Variants in PEBP4 observed in about 807,000 individuals in gnomAD.
The protein encoded by PEBP4 is phosphatidylethanolamine binding protein 4, also known as phosphatidylethanolamine-binding protein 4.
PEBP4 carries 22 observed loss-of-function variants against 23.9 expected under a neutral mutation model. The observed-to-expected ratio is 0.92, with a 90% CI of 0.66 to 1.31. The LOEUF (loss-of-function observed/expected upper bound fraction) is 1.31, where lower values mean the gene tolerates loss of function less well. PEBP4 is among the 40% of genes most tolerant of loss of function. The probability of loss-of-function intolerance (pLI) is 0.00; values close to 1 mark genes in which losing one functional copy is unlikely to be tolerated. For synonymous variants in PEBP4, 112 were observed against 99.3 expected (o/e 1.13, Z -0.76); for missense variants, 324 against 281.7 (o/e 1.15, Z -1.07).
intron 3 of PEBP4, among the ~76,000 whole-genome samples, chr8:22,862,658 C>A (rs1049691117): frequency 7.2e-5 from 11 of 152,124 alleles, no homozygotes; most frequent in Non-Finnish European, 1.5e-4. Flanking sequence ...TCAAAGGATT[C>A]TCATATATAT....
At chr8:22,813,398 T>C (rs1806673978) in intron 4 of PEBP4, among the ~76,000 whole-genome samples, 1 of 152,256 alleles carries the variant, frequency 6.6e-6, no homozygotes, top group East Asian at 1.9e-4. Context: ...TAATTGTTCT[T>C]AGTGTTCTTT....
intron 3 of PEBP4, among the ~76,000 whole-genome samples, chr8:22,909,295 G>A (rs965725345): frequency 9.9e-5 from 15 of 151,716 alleles, no homozygotes; most frequent in Admixed American, 3.3e-4. Context: ...CATCCTCTGC[G>A]GCTCTACACC....
chr8:22,818,552 G>A (rs1166795954), intron 3 of PEBP4, among the ~76,000 whole-genome samples: 1 of 152,168 alleles, frequency 6.6e-6, no homozygotes, highest in Non-Finnish European at 1.5e-5. Context: ...CCAGGCCACA[G>A]GGGGCTCTCT....
At chr8:22,731,206 C>A (rs780914581) in intron 4 of PEBP4, among the ~76,000 whole-genome samples, 1 of 152,140 alleles carries the variant, frequency 6.6e-6, no homozygotes, top group African/African-American at 2.4e-5. Context: ...ACTGAGTGTG[C>A]CTGCCTCTCC....
intron 3 of PEBP4, among the ~76,000 whole-genome samples, chr8:22,830,786 A>G (rs1032878442): frequency 6.6e-5 from 10 of 151,946 alleles, no homozygotes; most frequent in African/African-American, 1.7e-4. Context: ...TTTCCCCCCT[A>G]TCACCACTAC....
chr8:22,817,848 T>C, intron 3 of PEBP4, 113 bp from the exon 4 acceptor site: 2 of 882,288 alleles, frequency 2.3e-6, no homozygotes, highest in Admixed American at 1.9e-5. Flanking sequence ...GTAGCCCCTA[T>C]GGCGTCCCAT....
At position 22,831,151 on chromosome 8, in the gene PEBP4, TTTCA is replaced by T. The variant is rs1171479888; in HGVS notation, c.259-13420_259-13417del. Among the ~76,000 whole-genome samples, 3 of 152,234 alleles carry T rather than the reference TTTCA, an allele frequency of 2.0e-5. No homozygotes were observed. The South Asian group carries it at 6.2e-4, about 32-fold the overall frequency. On this transcript the variant is annotated intron_variant, in intron 3 of 6. Coordinates refer to ENST00000256404, the MANE Select transcript of PEBP4 (RefSeq NM_144962.3). ...CACCCCATCCCTGGAACTACTTAAC[TTTCA>T]TTCATTCTTCAGAACTCAATTCAAG...
Position 22,927,890 on chromosome 8 carries a change from C to A in PEBP4, c.-74G>T, listed in dbSNP as rs576056387. 27 of 671,064 alleles carry A rather than the reference C, an allele frequency of 4.0e-5. No homozygotes were observed. Among genetic ancestry groups the A allele is most frequent in the Non-Finnish European group, 5.6e-5 (23 of 414,378 alleles). 41.6% of individuals were successfully genotyped at this position (671,064 alleles called of 1,614,324 possible). Reference sequence around the variant, plus strand: ...TCCGCAGCTAATCCAGTCCACCACCCGGACACAAGTACTTTGGGAGGACTG... The same window carrying A: ...TCCGCAGCTAATCCAGTCCACCACCAGGACACAAGTACTTTGGGAGGACTG... On this transcript the variant is annotated 5_prime_UTR_variant, in exon 1 of 7. Coordinates refer to ENST00000256404, the MANE Select transcript of PEBP4 (RefSeq NM_144962.3).
intron 3 of PEBP4, among the ~76,000 whole-genome samples, chr8:22,834,186 C>T (rs989553572): frequency 3.3e-5 from 5 of 152,216 alleles, no homozygotes; most frequent in African/African-American, 7.2e-5. Flanking sequence ...GGTTGCCATA[C>T]AAATTTAGCC....
At chr8:22,832,517 T>TTG (rs1160440978) in intron 3 of PEBP4, among the ~76,000 whole-genome samples, 4 of 152,156 alleles carry the variant, frequency 2.6e-5, no homozygotes, top group Admixed American at 2.0e-4. Context: ...TATGGAATTT[T>TTG]TGTTATAGCA....
chr8:22,802,168 AG>A (rs1488083356), intron 4 of PEBP4, among the ~76,000 whole-genome samples: 1 of 152,178 alleles, frequency 6.6e-6, no homozygotes, highest in East Asian at 1.9e-4. Flanking sequence ...AACCCGCTGC[AG>A]GAGGAGGGTG....
intron 3 of PEBP4, among the ~76,000 whole-genome samples, chr8:22,834,870 T>C (rs931851127): frequency 2.0e-5 from 3 of 152,130 alleles, no homozygotes; most frequent in Non-Finnish European, 2.9e-5. Flanking sequence ...AGCAAAAAGA[T>C]GGAAAGAGCC....
At chr8:22,807,757 A>AC (rs1241092084) in intron 4 of PEBP4, among the ~76,000 whole-genome samples, 4 of 151,982 alleles carry the variant, frequency 2.6e-5, no homozygotes, top group Non-Finnish European at 4.4e-5. Flanking sequence ...GAGTGATGCC[A>AC]CCCCATCCAT....
chr8:22,923,308 T>C (rs1809251663), intron 2 of PEBP4, among the ~76,000 whole-genome samples: 1 of 152,166 alleles, frequency 6.6e-6, no homozygotes, highest in Non-Finnish European at 1.5e-5. Flanking sequence ...GGCTCAAGCC[T>C]GTAATCCCAG....
chr8:22,915,906 TTA>T (rs1809062669), intron 3 of PEBP4, among the ~76,000 whole-genome samples: 1 of 152,210 alleles, frequency 6.6e-6, no homozygotes, highest in Non-Finnish European at 1.5e-5. Context: ...CCGAGCTCTC[TTA>T]TAGAGAGGAG....
intron 3 of PEBP4, among the ~76,000 whole-genome samples, chr8:22,915,514 C>T (rs1157941411): frequency 6.6e-6 from 1 of 152,178 alleles, no homozygotes; most frequent in African/African-American, 2.4e-5. Context: ...GTCTATCTCC[C>T]CAGCTATACT....
intron 4 of PEBP4, among the ~76,000 whole-genome samples, chr8:22,749,969 G>A (rs1452629842): frequency 6.6e-6 from 1 of 151,776 alleles, no homozygotes; most frequent in East Asian, 1.9e-4. Flanking sequence ...ACCATGTGGG[G>A]CTAATTTTGT....
chr8:22,934,070 A>G (rs1809501103), intron 1 of PEBP4, among the ~76,000 whole-genome samples: 1 of 152,176 alleles, frequency 6.6e-6, no homozygotes. Context: ...CATGGAACTA[A>G]TAAAGTGAGA....
intron 3 of PEBP4, among the ~76,000 whole-genome samples, chr8:22,839,825 G>T (rs1807285870): frequency 6.6e-6 from 1 of 152,158 alleles, no homozygotes; most frequent in African/African-American, 2.4e-5. Flanking sequence ...ATCCTGTGAG[G>T]CTGAAAATGG....
Sources: gnomAD v4.1 joint callset for allele counts (sites outside exome capture counted in the v4.1 genomes callset) on GRCh38, gnomAD v4.1.1 for gene constraint, MANE v1.5 for transcripts, NCBI Gene and HGNC (gene_info 2026-07-23, HGNC 2026-07-21) for gene names.